ARHGEF38: variants seen among roughly 807,000 people sequenced by gnomAD.
ARHGEF38 encodes the protein Rho guanine nucleotide exchange factor 38.
ARHGEF38 carries 79 observed loss-of-function variants against 79.9 expected under a neutral mutation model. That is an observed-to-expected ratio of 0.99 (90% CI 0.82 to 1.19). The LOEUF is 1.19. ARHGEF38 is among the 50% of genes most tolerant of loss of function. The pLI, the probability that ARHGEF38 is intolerant of heterozygous loss-of-function variation, is 0.00. For synonymous variants in ARHGEF38, 366 were observed against 328.3 expected, an observed-to-expected ratio of 1.11 and a Z score of -1.24; for missense variants, 962 against 907.2, an observed-to-expected ratio of 1.06 and a Z score of -0.78.
chr4:105,650,462 TC>T (rs1730052973), intron 7 of ARHGEF38, among the ~76,000 whole-genome samples: 1 of 152,154 alleles, frequency 6.6e-6, no homozygotes, highest in South Asian at 2.1e-4. Flanking sequence ...TACCCCTATA[TC>T]CCAAAGCCCA....
At chr4:105,567,556 T>A (rs1725988925) in intron 1 of ARHGEF38, among the ~76,000 whole-genome samples, 1 of 152,178 alleles carries the variant, frequency 6.6e-6, no homozygotes, top group Non-Finnish European at 1.5e-5. Context: ...CCTTGATTGT[T>A]AAGTGGAGAA....
intron 3 of ARHGEF38, among the ~76,000 whole-genome samples, chr4:105,614,775 T>A (rs982874304): frequency 3.3e-5 from 5 of 152,190 alleles, no homozygotes; most frequent in African/African-American, 1.2e-4. Context: ...AATCAATGAA[T>A]AGTTATGAAG....
In ARHGEF38 at chr4:105,648,695, C is replaced by T. The variant is rs1013057858; in HGVS notation, c.1008+13C>T. On this transcript the variant is annotated intron_variant, in intron 7 of 13. Coordinates refer to ENST00000420470, the MANE Select transcript of ARHGEF38 (RefSeq NM_001242729.2). The stretch of plus-strand genomic sequence containing the variant: ...AGGAGAATCACAGGTAATTTTTCTT[C>T]TTGGACCACCCACCTTTTCCCAGGG... 1.6e-5 allele frequency: 24 copies of T among 1,499,770 alleles called. No individual in the cohort carries two copies. The highest frequency in any genetic ancestry group is 2.1e-5 in the Non-Finnish European group (24 of 1,133,250). 92.9% of individuals were successfully genotyped at this position (1,499,770 alleles called of 1,614,324 possible).
intron 4 of ARHGEF38, chr4:105,632,916 C>G (rs929492195): frequency 2.6e-5 from 4 of 152,620 alleles, no homozygotes; most frequent in African/African-American, 9.7e-5. Context: ...ACAGACCCTG[C>G]CAGAAGATTC....
intron 13 of ARHGEF38, among the ~76,000 whole-genome samples, chr4:105,673,495 A>G (rs1560764286): frequency 6.6e-6 from 1 of 152,118 alleles, no homozygotes; most frequent in Non-Finnish European, 1.5e-5. Flanking sequence ...TCATCTTTAC[A>G]TTTTCCAGCT....
At chr4:105,673,513 A>T (rs1180970557) in intron 13 of ARHGEF38, among the ~76,000 whole-genome samples, 2 of 152,194 alleles carry the variant, frequency 1.3e-5, no homozygotes, top group South Asian at 2.1e-4. Context: ...GCTACCTATG[A>T]TGATGATGCT....
intron 3 of ARHGEF38, among the ~76,000 whole-genome samples, chr4:105,615,700 T>C (rs1415902586): frequency 6.6e-6 from 1 of 152,242 alleles, no homozygotes; most frequent in African/African-American, 2.4e-5. Context: ...CTTCAACTTC[T>C]GACACAATCT....
chr4:105,567,338 T>C (rs1725976764), intron 1 of ARHGEF38, among the ~76,000 whole-genome samples: 1 of 152,232 alleles, frequency 6.6e-6, no homozygotes, highest in South Asian at 2.1e-4. Context: ...CTCATTCAAC[T>C]CCTAATATAA....
chr4:105,575,243 T>C (rs148435206), intron 1 of ARHGEF38, among the ~76,000 whole-genome samples: 95 of 152,272 alleles, frequency 6.2e-4, no homozygotes, highest in African/African-American at 1.9e-3. Flanking sequence ...CTATTTTTCA[T>C]AGAGGTTGTA....
chr4:105,647,303 C>T (rs561493731), intron 6 of ARHGEF38, among the ~76,000 whole-genome samples: 1 of 152,062 alleles, frequency 6.6e-6, no homozygotes, highest in Non-Finnish European at 1.5e-5. Context: ...TCCCTCTCTC[C>T]CTTTTCCTTC....
chr4:105,660,238 G>A (rs913345589), intron 10 of ARHGEF38, among the ~76,000 whole-genome samples: 7 of 151,950 alleles, frequency 4.6e-5, no homozygotes, highest in East Asian at 1.9e-4. Context: ...CATCCCATTC[G>A]CCACTCTCAT....
At chr4:105,553,993 A>T (rs1725131234) in intron 1 of ARHGEF38, among the ~76,000 whole-genome samples, 1 of 152,182 alleles carries the variant, frequency 6.6e-6, no homozygotes, top group Non-Finnish European at 1.5e-5. Context: ...AAATAAGTTA[A>T]ATTAAATGCA....
chr4:105,678,171 C>CA lies in ARHGEF38; in HGVS notation c.*236dup. 2.8e-6 allele frequency: 1 copy of CA among 354,950 alleles called. No individual in the cohort carries two copies. The highest frequency in any genetic ancestry group is 5.0e-6 in the Non-Finnish European group (1 of 199,710). 22.0% of individuals were successfully genotyped at this position (354,950 alleles called of 1,614,324 possible). ...AACAGAAATAGCAAAGCAAATGACC[C>CA]AAGCTTCAACTATCAACTATTTAAA... On this transcript the variant is annotated 3_prime_UTR_variant, in exon 14 of 14. Transcript: ENST00000420470.
At position 105,666,265 on chromosome 4, in the gene ARHGEF38, C is replaced by G. The variant is rs1730746264; in HGVS notation, c.1634C>G (p.Ala545Gly). Residue 545 changes from alanine to glycine, a missense_variant, in exon 11 of 14, where the codon GCC (alanine) becomes GGC (glycine). Physicochemically the swap from Ala to Gly is moderately conservative, Grantham distance 60. Coordinates refer to ENST00000420470, the MANE Select transcript of ARHGEF38 (RefSeq NM_001242729.2). ...QNLNCVKENS[A>G]TFIERKLSFE... ...TTGAATTGTGTGAAAGAAAACAGTGCCACCTTTATTGAGAGGAAACTCAGT... is the reference window on the plus strand; with the variant it reads ...TTGAATTGTGTGAAAGAAAACAGTGGCACCTTTATTGAGAGGAAACTCAGT... The G allele has an allele frequency of 6.5e-7, 1 of 1,534,532 alleles. No homozygotes were observed.
chr4:105,582,417 CAT>C (rs1304526222), intron 1 of ARHGEF38, among the ~76,000 whole-genome samples: 14 of 151,890 alleles, frequency 9.2e-5, no homozygotes, highest in South Asian at 4.2e-4. Context: ...CTACATTCCA[CAT>C]GTTTTAATTT....
At chr4:105,631,746 A>T in intron 4 of ARHGEF38, 1 of 837,246 alleles carries the variant, frequency 1.2e-6, no homozygotes, top group Non-Finnish European at 1.4e-6. Flanking sequence ...AAATGTGGGT[A>T]TGTGTTTGGA....
At chr4:105,647,888 A>ATTTT (rs769532644) in intron 6 of ARHGEF38, among the ~76,000 whole-genome samples, 5 of 119,580 alleles carry the variant, frequency 4.2e-5, no homozygotes, top group African/African-American at 1.3e-4. Flanking sequence ...TTTCTTTTCT[A>ATTTT]TTTTTTTTTT....
chr4:105,614,750 T>C (rs1401603721), intron 3 of ARHGEF38, among the ~76,000 whole-genome samples: 2 of 152,222 alleles, frequency 1.3e-5, no homozygotes, highest in Non-Finnish European at 2.9e-5. Context: ...TCATTGGCTA[T>C]TCATTTATTA....
rs201993939 is a variant in ARHGEF38 at position 105,613,451 on chromosome 4, T to C, written c.452T>C (p.Leu151Pro). The C allele has an allele frequency of 6.2e-7, 1 of 1,613,472 alleles. No individual in the cohort carries two copies. The highest frequency in any genetic ancestry group is 1.1e-5 in the South Asian group (1 of 91,016). ...TCCGTGCATCAGATATCAGCCAAGCTGCTGTCATTGTTGGAAGAGGCCACA... is the reference window on the plus strand; with the variant it reads ...TCCGTGCATCAGATATCAGCCAAGCCGCTGTCATTGTTGGAAGAGGCCACA... ...IESVHQISAK[L>P]LSLLEEATTD... The change falls in exon 3 of 14, where the codon CTG (leucine) becomes CCG (proline). Residue 151 changes from leucine to proline, a missense_variant. Coordinates refer to ENST00000420470, the MANE Select transcript of ARHGEF38 (RefSeq NM_001242729.2).
Sources: gnomAD v4.1 joint callset for allele counts (sites outside exome capture counted in the v4.1 genomes callset) on GRCh38, gnomAD v4.1.1 for gene constraint, MANE v1.5 for transcripts, NCBI Gene and HGNC (gene_info 2026-07-23, HGNC 2026-07-21) for gene names.